The following AGBL4 variants were observed in gnomAD, a reference collection of about 807,000 sequenced individuals.
AGBL4 encodes cytosolic carboxypeptidase 6.
In AGBL4, 58 loss-of-function variants were observed where a neutral mutation model predicts 66.4. That is an observed-to-expected ratio of 0.87 (90% CI 0.71 to 1.09). The LOEUF is 1.09. Among genes scored for constraint, AGBL4 ranks in the 50% least tolerant of loss-of-function variants. The probability of loss-of-function intolerance (pLI) is 0.00; values close to 1 mark genes in which losing one functional copy is unlikely to be tolerated. For missense variants in AGBL4, 579 were observed against 631.0 expected (o/e 0.92, Z 0.88); for synonymous variants, 234 against 222.9 (o/e 1.05, Z -0.44).
intron 5 of AGBL4, among the ~76,000 whole-genome samples, chr1:48,993,099 T>C (rs1320945814): frequency 6.6e-6 from 1 of 152,132 alleles, no homozygotes; most frequent in East Asian, 1.9e-4. Flanking sequence ...GGGTCAAACC[T>C]GAAGCTCGCA....
At position 49,603,811 on chromosome 1, in the gene AGBL4, T is replaced by C. The variant is rs535609526; in HGVS notation, c.282+93502A>G. ...GGCCGCACTTGTAAGTGAGAACATG[T>C]AGTATTTGGTTTTCCATTCCTGAGT... On this transcript the variant is annotated intron_variant, in intron 3 of 13. Coordinates refer to ENST00000371839, the MANE Select transcript of AGBL4 (RefSeq NM_032785.4). Among the ~76,000 whole-genome samples, 11 of 152,186 alleles carry C rather than the reference T, an allele frequency of 7.2e-5. No homozygotes were observed. In the South Asian group the frequency reaches 2.1e-3, roughly 29 times the overall value.
chr1:49,580,681 G>GT (rs1233797510), intron 3 of AGBL4, among the ~76,000 whole-genome samples: 2 of 152,058 alleles, frequency 1.3e-5, no homozygotes, highest in South Asian at 2.1e-4. Context: ...TTTACTGACA[G>GT]TTTTTTTCTT....
intron 4 of AGBL4, among the ~76,000 whole-genome samples, chr1:49,191,824 G>A (rs1647125953): frequency 6.6e-6 from 1 of 152,146 alleles, no homozygotes; most frequent in Admixed American, 6.5e-5. Context: ...AGTATTCCAT[G>A]CTTTATATGT....
At chr1:48,720,663 C>T (rs1647131317) in intron 6 of AGBL4, among the ~76,000 whole-genome samples, 1 of 152,222 alleles carries the variant, frequency 6.6e-6, no homozygotes, top group Non-Finnish European at 1.5e-5. Context: ...AATTAAAAAA[C>T]ATCACCATAA....
chr1:49,787,067 C>A (rs1052011551), intron 2 of AGBL4, among the ~76,000 whole-genome samples: 1 of 152,156 alleles, frequency 6.6e-6, no homozygotes, highest in African/African-American at 2.4e-5. Context: ...CTAAGTCCCC[C>A]CTGTAACAGT....
chr1:49,333,489 AAAAC>A (rs962344558), intron 3 of AGBL4, among the ~76,000 whole-genome samples: 12 of 152,258 alleles, frequency 7.9e-5, no homozygotes, highest in African/African-American at 2.6e-4. Flanking sequence ...ACACCCCCCA[AAAAC>A]AAACAAACAA....
intron 5 of AGBL4, among the ~76,000 whole-genome samples, chr1:48,997,717 A>C (rs1170682477): frequency 6.6e-6 from 1 of 152,202 alleles, no homozygotes; most frequent in East Asian, 1.9e-4. Flanking sequence ...CTTACCCATA[A>C]TATGAGGATG....
intron 3 of AGBL4, among the ~76,000 whole-genome samples, chr1:49,344,711 T>C (rs1156809687): frequency 1.3e-5 from 2 of 152,212 alleles, no homozygotes; most frequent in Non-Finnish European, 2.9e-5. Context: ...TAAGACTAGA[T>C]AGATTTGTCT....
chr1:49,454,601 ATTATACTACAT>A (rs1226585302), intron 3 of AGBL4, among the ~76,000 whole-genome samples: 10 of 151,918 alleles, frequency 6.6e-5, no homozygotes, highest in South Asian at 4.1e-4. Context: ...AGTCCTTCAA[ATTATACTACAT>A]AATTAACTGC....
chr1:49,995,123 A>G (rs754470270), intron 1 of AGBL4: 4 of 456,104 alleles, frequency 8.8e-6, no homozygotes, highest in Non-Finnish European at 1.3e-5. Context: ...AAGTAAACTC[A>G]AAGTTTCCTG....
At chr1:48,971,249 C>T (rs1302262631) in intron 5 of AGBL4, among the ~76,000 whole-genome samples, 2 of 152,074 alleles carry the variant, frequency 1.3e-5, no homozygotes, top group African/African-American at 4.8e-5. Context: ...ATTAGATTCT[C>T]ATAGGAGTGA....
At chr1:49,452,159 G>A (rs983923408) in intron 3 of AGBL4, among the ~76,000 whole-genome samples, 2 of 151,628 alleles carry the variant, frequency 1.3e-5, no homozygotes, top group Non-Finnish European at 1.5e-5. Context: ...TAAAACGTTC[G>A]GATTTCTCTT....
intron 1 of AGBL4, among the ~76,000 whole-genome samples, chr1:49,944,629 G>A (rs1258045082): frequency 6.6e-6 from 1 of 151,910 alleles, no homozygotes; most frequent in Non-Finnish European, 1.5e-5. Flanking sequence ...ATTGAATTCT[G>A]GTAATATGAC....
At chr1:49,294,025 G>T (rs1343447561) in intron 3 of AGBL4, among the ~76,000 whole-genome samples, 2 of 152,192 alleles carry the variant, frequency 1.3e-5, no homozygotes, top group Admixed American at 6.5e-5. Flanking sequence ...TAAAGGAATA[G>T]AAATGCCAAC....
chr1:49,720,549 G>A (rs763711906), intron 2 of AGBL4, among the ~76,000 whole-genome samples: 5 of 152,092 alleles, frequency 3.3e-5, no homozygotes, highest in Non-Finnish European at 7.4e-5. Flanking sequence ...GTGATTAAAA[G>A]CATATACTTT....
chr1:49,728,714 T>C (rs557874282), intron 2 of AGBL4, among the ~76,000 whole-genome samples: 1 of 152,254 alleles, frequency 6.6e-6, no homozygotes, highest in Non-Finnish European at 1.5e-5. Context: ...TAGAGAGCCA[T>C]CTTCCTGTTC....
intron 1 of AGBL4, among the ~76,000 whole-genome samples, chr1:49,870,048 A>T (rs1389930983): frequency 1.3e-5 from 2 of 152,194 alleles, no homozygotes; most frequent in Non-Finnish European, 2.9e-5. Context: ...TATATTGCAT[A>T]TGTGTATCAA....
chr1:49,302,855 C>T (rs1644780052), intron 3 of AGBL4, among the ~76,000 whole-genome samples: 1 of 151,534 alleles, frequency 6.6e-6, no homozygotes, highest in Non-Finnish European at 1.5e-5. Context: ...TGTTGTTTAC[C>T]TCCCTGTGTC....
At chr1:49,011,000 C>G (rs1175699941) in intron 5 of AGBL4, among the ~76,000 whole-genome samples, 2 of 152,266 alleles carry the variant, frequency 1.3e-5, no homozygotes, top group East Asian at 1.9e-4. Flanking sequence ...ACACCAAAAG[C>G]AATGGCAACA....
Sources: gnomAD v4.1 joint callset for allele counts (sites outside exome capture counted in the v4.1 genomes callset) on GRCh38, gnomAD v4.1.1 for gene constraint, MANE v1.5 for transcripts, NCBI Gene and HGNC (gene_info 2026-07-23, HGNC 2026-07-21) for gene names.